Variants in NELFB observed in about 807,000 individuals in gnomAD.
The protein encoded by NELFB is negative elongation factor B.
NELFB carries 34 observed loss-of-function variants against 60.2 expected under a neutral mutation model. The ratio of observed to expected loss-of-function variants is 0.56; its 90% CI spans 0.43 to 0.75. The LOEUF is 0.75. NELFB is among the 30% of genes least tolerant of loss of function. The pLI, the probability that NELFB is intolerant of heterozygous loss-of-function variation, is 0.00. For missense variants in NELFB, 770 were observed against 831.6 expected, an observed-to-expected ratio of 0.93 and a Z score of 0.91; for synonymous variants, 459 against 382.1, an observed-to-expected ratio of 1.20 and a Z score of -2.35.
intron 6 of NELFB, among the ~76,000 whole-genome samples, chr9:137,264,988 G>T (rs1470600252): frequency 2.0e-5 from 3 of 151,028 alleles, no homozygotes; most frequent in Non-Finnish European, 4.4e-5. Flanking sequence ...CTGGTGTATA[G>T]ACACAGTGCT....
At position 137,265,878 on chromosome 9, in the gene NELFB, G is replaced by T; in HGVS notation, c.1042G>T (p.Asp348Tyr). The change falls in exon 7 of 13, where the codon GAC (aspartate) becomes TAC (tyrosine). Residue 348 changes from aspartate to tyrosine, a missense_variant and splice_region_variant. Transcript: ENST00000343053. ...AATGCCAGGGCGGCCTCCTTCCAGG[G>T]ACCTGTCCATGATCCTGTGTGACCC... The T allele has an allele frequency of 6.2e-7, 1 of 1,611,432 alleles. No homozygotes were observed. The highest frequency in any genetic ancestry group is 8.5e-7 in the Non-Finnish European group (1 of 1,178,358).
At chr9:137,272,346 G>A in intron 11 of NELFB, 124 bp downstream of exon 11, 1 of 1,501,874 alleles carries the variant, frequency 6.7e-7, no homozygotes, top group Non-Finnish European at 9.0e-7. Flanking sequence ...TTGGGCACCA[G>A]GGCTCGCATG....
At chr9:137,271,467 C>T (rs1216584198) in intron 10 of NELFB, among the ~76,000 whole-genome samples, 2 of 152,258 alleles carry the variant, frequency 1.3e-5, no homozygotes, top group East Asian at 1.9e-4. Flanking sequence ...CCGTTTGGGG[C>T]GTTGTGCTGG....
intron 4 of NELFB, among the ~76,000 whole-genome samples, chr9:137,261,358 T>TA (rs1164222280): frequency 0.028 from 2,247 of 81,114 alleles, 57 homozygotes; most frequent in African/African-American, 0.089. Flanking sequence ...AAAAAAAAAG[T>TA]AAAAAAAAAA....
Position 137,263,203 on chromosome 9 carries a change from C to G in NELFB, c.908C>G (p.Thr303Ser), listed in dbSNP as rs1388202672. The G allele has an allele frequency of 6.2e-7, 1 of 1,611,690 alleles. No individual in the cohort carries two copies. The highest frequency in any genetic ancestry group is 8.5e-7 in the Non-Finnish European group (1 of 1,179,058). ...GACCTGGACGTGGGTGAAATCTGCA[C>G]CGTGGACCCGTGCCACAAGGTAGCA... The change falls in exon 5 of 13, where the codon ACC becomes AGC. Residue 303 changes from threonine (T) to serine (S), a missense_variant. By Grantham distance (58) the Thr-to-Ser change is moderately conservative (BLOSUM62 1). Transcript: ENST00000343053.
intron 5 of NELFB, among the ~76,000 whole-genome samples, chr9:137,263,511 C>T (rs1366855956): frequency 1.3e-5 from 2 of 148,592 alleles, no homozygotes; most frequent in African/African-American, 5.0e-5. Context: ...GCCCTCCCTC[C>T]TTCCCCCTGG....
chr9:137,262,977 G>A (rs13294457), intron 4 of NELFB, 60 bp from the exon 5 acceptor site: 1,159,669 of 1,573,846 alleles, frequency 0.74, 430,667 homozygotes, highest in Admixed American at 0.8. Context: ...CGGGCGTGAC[G>A]TCCCTGTGTC....
chr9:137,258,129 T>C (rs1164578857), intron 4 of NELFB, among the ~76,000 whole-genome samples: 1 of 145,504 alleles, frequency 6.9e-6, no homozygotes, highest in East Asian at 2.0e-4. Context: ...TTTTTTTTTT[T>C]TTTTTTTTTT....
chr9:137,261,157 A>G (rs974333859), intron 4 of NELFB, among the ~76,000 whole-genome samples: 16 of 150,966 alleles, frequency 1.1e-4, no homozygotes, highest in Admixed American at 4.6e-4. Context: ...CCTGGCTAAC[A>G]TGGTGAAACC....
At chr9:137,255,826 T>G (rs1278355337) in intron 1 of NELFB, 81 bp from the exon 2 acceptor site, 8 of 1,566,938 alleles carry the variant, frequency 5.1e-6, no homozygotes, top group Non-Finnish European at 4.3e-6. Flanking sequence ...AACACCTGGG[T>G]GCGTGCCTCC....
rs201404739 is a variant in NELFB at position 137,267,339 on chromosome 9, C to G, written c.1482C>G (p.Pro494=). The G allele has an allele frequency of 6.2e-7, 1 of 1,607,228 alleles. No individual in the cohort carries two copies. Among genetic ancestry groups the G allele is most frequent in the South Asian group, 1.1e-5 (1 of 90,186 alleles). Residue 494 remains proline (P), a synonymous_variant, in exon 10 of 13, where the codon CCC becomes CCG. Coordinates refer to ENST00000343053, the MANE Select transcript of NELFB (RefSeq NM_015456.5). ...AGAACGCGCTCCTCCGCCTGCTGCC[C>G]GGGCTGGGTAAGTCCTGACGGGCGG... is the stretch of plus-strand genomic sequence containing the variant.
chr9:137,256,466 C>G, intron 3 of NELFB, 38 bp downstream of exon 3: 1 of 1,571,464 alleles, frequency 6.4e-7, no homozygotes, highest in South Asian at 1.1e-5. Flanking sequence ...CGTGGACCGT[C>G]CGCCCACTCT....
At chr9:137,265,031 C>CTTTTT (rs60479210) in intron 6 of NELFB, among the ~76,000 whole-genome samples, 8 of 126,172 alleles carry the variant, frequency 6.3e-5, no homozygotes, top group African/African-American at 1.2e-4. Context: ...TTTTTTCTTC[C>CTTTTT]TTTTTTTTTT....
chr9:137,260,195 G>GCC lies in NELFB; in HGVS notation c.742-2840_742-2839dup, dbSNP rs199764761. On this transcript the variant is annotated intron_variant, in intron 4 of 12. Transcript: ENST00000343053. ...CTCCCGAGTGGCTGGGACTACAGGC[G>GCC]CCCACCACCACGCCCAGCTATGTTT... Among the ~76,000 whole-genome samples the GCC allele has an allele frequency of 0.012, 1,848 of 148,004 alleles. 74 individuals are homozygous for GCC. The East Asian group carries it at 0.14, about 11-fold the overall frequency.
chr9:137,262,876 A>C (rs1365119289), intron 4 of NELFB, among the ~76,000 whole-genome samples, 161 bp from the exon 5 acceptor site: 1 of 152,234 alleles, frequency 6.6e-6, no homozygotes, highest in Non-Finnish European at 1.5e-5. Flanking sequence ...TGCTACCATC[A>C]GACTGGGGGC....
At position 137,266,400 on chromosome 9, in the gene NELFB, A is replaced by C; in HGVS notation, c.1213A>C (p.Ser405Arg). 2 of 1,612,930 alleles carry C rather than the reference A, an allele frequency of 1.2e-6. No individual in the cohort carries two copies. Among genetic ancestry groups the C allele is most frequent in the Non-Finnish European group, 1.7e-6 (2 of 1,179,968 alleles). Residue 405 changes from serine to arginine, a missense_variant, in exon 8 of 13, where the codon AGC becomes CGC. Transcript: ENST00000343053. Reference sequence around the variant, plus strand: ...CCAGGGAGCCTGGGACATGATCGACAGCCAGGTCTTCAAGGAGCCCAAGAT... The same window carrying C: ...CCAGGGAGCCTGGGACATGATCGACCGCCAGGTCTTCAAGGAGCCCAAGAT...
chr9:137,263,106 C>T lies in NELFB; in HGVS notation c.811C>T (p.Arg271Cys), dbSNP rs1057479938. 1.2e-6 allele frequency: 2 copies of T among 1,613,922 alleles called. No individual in the cohort carries two copies. Among genetic ancestry groups the T allele is most frequent in the East Asian group, 2.2e-5 (1 of 44,896 alleles). ...GTACGACATGGTGCTGCAGTTTCTGCGCACGCTCTTCCTGCGCACGCGGAA... is the reference window on the plus strand; with the variant it reads ...GTACGACATGGTGCTGCAGTTTCTGTGCACGCTCTTCCTGCGCACGCGGAA... Residue 271 changes from arginine to cysteine, a missense_variant, in exon 5 of 13, where the codon CGC becomes TGC. Arg to Cys is a radical substitution (Grantham distance 180). Coordinates refer to ENST00000343053, the MANE Select transcript of NELFB (RefSeq NM_015456.5).
Position 137,264,271 on chromosome 9 carries a change from C to G in NELFB, c.954C>G (p.Ile318Met). The G allele has an allele frequency of 6.2e-7, 1 of 1,600,610 alleles. No individual in the cohort carries two copies. The highest frequency in any genetic ancestry group is 8.5e-7 in the Non-Finnish European group (1 of 1,174,774). The change falls in exon 6 of 13, where the codon ATC (isoleucine) becomes ATG (methionine). Residue 318 changes from isoleucine (I) to methionine (M), a missense_variant. Ile to Met is a conservative substitution (Grantham distance 10). Transcript: ENST00000343053. ...TCACCTGGTGCCTGGACGCCTGCAT[C>G]CGAGAGCGGTTCGTGGACAGCAAGA... is the stretch of plus-strand genomic sequence containing the variant.
chr9:137,258,721 C>G (rs1452189057), intron 4 of NELFB, among the ~76,000 whole-genome samples: 1 of 152,044 alleles, frequency 6.6e-6, no homozygotes, highest in Non-Finnish European at 1.5e-5. Flanking sequence ...TCCCAAAGTG[C>G]TGGGATTACA....
Sources: gnomAD v4.1 joint callset for allele counts (sites outside exome capture counted in the v4.1 genomes callset) on GRCh38, gnomAD v4.1.1 for gene constraint, MANE v1.5 for transcripts, NCBI Gene and HGNC (gene_info 2026-07-23, HGNC 2026-07-21) for gene names.